FHIT: variants seen among roughly 807,000 people sequenced by gnomAD.
FHIT encodes bis(5'-adenosyl)-triphosphatase.
In FHIT, 19 loss-of-function variants were observed where a neutral mutation model predicts 17.9. That is an observed-to-expected ratio of 1.06 (90% CI 0.74 to 1.56). The LOEUF (loss-of-function observed/expected upper bound fraction) is 1.56. FHIT is among the 40% of genes most tolerant of loss of function. FHIT has a pLI of 0.00. For missense variants in FHIT, 248 were observed against 189.2 expected (o/e 1.31, Z -1.82); for synonymous variants, 81 against 69.7 (o/e 1.16, Z -0.81).
chr3:60,019,251 G>C (rs1283165982), intron 5 of FHIT, among the ~76,000 whole-genome samples: 1 of 152,048 alleles, frequency 6.6e-6, no homozygotes, highest in Admixed American at 6.5e-5. Context: ...CCAGATTCAA[G>C]GTAGAGATAT....
chr3:59,900,854 C>T (rs927341925), intron 8 of FHIT, among the ~76,000 whole-genome samples: 1 of 152,082 alleles, frequency 6.6e-6, no homozygotes, highest in Non-Finnish European at 1.5e-5. Context: ...CCTCAAAGGA[C>T]CCACCTGCCT....
intron 5 of FHIT, among the ~76,000 whole-genome samples, chr3:60,384,553 T>C (rs1474397202): frequency 6.6e-6 from 1 of 152,182 alleles, no homozygotes; most frequent in African/African-American, 2.4e-5. Flanking sequence ...TGATAGTTTA[T>C]TAGTCATTCT....
chr3:60,277,476 G>A (rs953611742), intron 5 of FHIT, among the ~76,000 whole-genome samples: 2 of 152,112 alleles, frequency 1.3e-5, no homozygotes, highest in African/African-American at 2.4e-5. Flanking sequence ...TGCTCAAAAT[G>A]GCAGCTCCAT....
intron 2 of FHIT, among the ~76,000 whole-genome samples, chr3:61,149,473 T>A (rs1446005634): frequency 6.6e-6 from 1 of 152,058 alleles, no homozygotes; most frequent in East Asian, 1.9e-4. Flanking sequence ...TTTAATTTTT[T>A]AAATATCCAC....
intron 8 of FHIT, among the ~76,000 whole-genome samples, chr3:59,863,855 C>G (rs1022200581): frequency 6.6e-6 from 1 of 152,190 alleles, no homozygotes; most frequent in Non-Finnish European, 1.5e-5. Flanking sequence ...GGCAAGGTGC[C>G]TGCGGTAGTT....
intron 2 of FHIT, among the ~76,000 whole-genome samples, chr3:61,062,811 T>C (rs1174819551): frequency 1.1e-4 from 16 of 152,200 alleles, no homozygotes; most frequent in Non-Finnish European, 2.1e-4. Flanking sequence ...AGGTGATTAC[T>C]GCTCCTCAAG....
At chr3:60,964,089 G>A (rs1709595041) in intron 3 of FHIT, among the ~76,000 whole-genome samples, 1 of 152,068 alleles carries the variant, frequency 6.6e-6, no homozygotes, top group Non-Finnish European at 1.5e-5. Flanking sequence ...GGTCTCTAAG[G>A]GCTTGCTTTA....
At chr3:60,127,151 C>A (rs928251781) in intron 5 of FHIT, among the ~76,000 whole-genome samples, 1 of 152,140 alleles carries the variant, frequency 6.6e-6, no homozygotes, top group Non-Finnish European at 1.5e-5. Flanking sequence ...AAGTGGCCAT[C>A]CTCTCTGACC....
intron 5 of FHIT, among the ~76,000 whole-genome samples, chr3:60,033,294 A>C (rs1174380233): frequency 6.6e-6 from 1 of 152,088 alleles, no homozygotes; most frequent in African/African-American, 2.4e-5. Context: ...CCAGGAGTTC[A>C]AGACAAGCCT....
At chr3:60,201,471 C>A in intron 5 of FHIT, among the ~76,000 whole-genome samples, 1 of 151,994 alleles carries the variant, frequency 6.6e-6, no homozygotes, top group East Asian at 1.9e-4. Flanking sequence ...CAGGGCCATT[C>A]AGAGGAAGAG....
At chr3:59,950,565 T>G (rs1164016401) in intron 7 of FHIT, among the ~76,000 whole-genome samples, 1 of 151,024 alleles carries the variant, frequency 6.6e-6, no homozygotes, top group African/African-American at 2.5e-5. Flanking sequence ...TTACTTGTTT[T>G]CTTTTCTTTT....
chr3:60,521,899 G>A (rs73103760), intron 5 of FHIT, among the ~76,000 whole-genome samples: 1,960 of 152,196 alleles, frequency 0.013, 21 homozygotes, highest in Middle Eastern at 0.061. Flanking sequence ...ACCAGAAACA[G>A]GACTGAGAGA....
chr3:59,867,916 A>G (rs571128109), intron 8 of FHIT, among the ~76,000 whole-genome samples: 2 of 152,142 alleles, frequency 1.3e-5, no homozygotes, highest in East Asian at 3.9e-4. Flanking sequence ...GAGTCCATGA[A>G]AAAGTTACGG....
intron 5 of FHIT, among the ~76,000 whole-genome samples, chr3:60,351,285 A>G (rs1200693781): frequency 1.3e-5 from 2 of 152,172 alleles, no homozygotes; most frequent in African/African-American, 4.8e-5. Context: ...ATTTTTTGTA[A>G]TAGTACTTTC....
At chr3:60,841,805 T>TA (rs1213570638) in intron 3 of FHIT, among the ~76,000 whole-genome samples, 4 of 152,172 alleles carry the variant, frequency 2.6e-5, no homozygotes, top group African/African-American at 7.2e-5. Flanking sequence ...TTCCTCAATT[T>TA]AAAAAAATAT....
At chr3:60,552,150 A>G (rs2036581444) in intron 4 of FHIT, among the ~76,000 whole-genome samples, 2 of 152,196 alleles carry the variant, frequency 1.3e-5, no homozygotes, top group South Asian at 4.1e-4. Flanking sequence ...TCCACATTTT[A>G]CCATGTATTC....
intron 5 of FHIT, among the ~76,000 whole-genome samples, chr3:60,455,517 T>C (rs2032033850): frequency 6.6e-6 from 1 of 152,180 alleles, no homozygotes; most frequent in Non-Finnish European, 1.5e-5. Context: ...AATGTGATAA[T>C]GTTTTGTTGA....
At chr3:60,125,039 C>G (rs992987022) in intron 5 of FHIT, among the ~76,000 whole-genome samples, 4 of 152,182 alleles carry the variant, frequency 2.6e-5, no homozygotes. Context: ...CTGAAACAAT[C>G]TACAATATTA....
chr3:60,027,035 C>T (rs1478174619), intron 5 of FHIT, among the ~76,000 whole-genome samples: 1 of 151,218 alleles, frequency 6.6e-6, no homozygotes, highest in Non-Finnish European at 1.5e-5. Context: ...GGAAGCAGAG[C>T]TTGCAGTGAG....
Sources: gnomAD v4.1 joint callset for allele counts (sites outside exome capture counted in the v4.1 genomes callset) on GRCh38, gnomAD v4.1.1 for gene constraint, MANE v1.5 for transcripts, NCBI Gene and HGNC (gene_info 2026-07-23, HGNC 2026-07-21) for gene names.